Variants in SLC35F1 observed in about 807,000 individuals in gnomAD.
SLC35F1 encodes chromosome 6 open reading frame 169.
A neutral mutation model predicts 48.7 loss-of-function variants in SLC35F1; 14 were observed. The observed-to-expected ratio is 0.29, with a 90% confidence interval of 0.19 to 0.45. The LOEUF (loss-of-function observed/expected upper bound fraction) is 0.45, where lower values mean the gene tolerates loss of function less well. Ranked by LOEUF, SLC35F1 falls within the 20% of genes least tolerant of loss-of-function variation. SLC35F1 has a pLI of 1.00. For synonymous variants in SLC35F1, 190 were observed against 202.2 expected, an observed-to-expected ratio of 0.94 and a Z score of 0.51; for missense variants, 404 against 500.0, an observed-to-expected ratio of 0.81 and a Z score of 1.83.
intron 1 of SLC35F1, among the ~76,000 whole-genome samples, chr6:117,959,140 G>A (rs1230635084): frequency 6.6e-6 from 1 of 152,152 alleles, no homozygotes; most frequent in Non-Finnish European, 1.5e-5. Context: ...TCAAAGGGCT[G>A]TTATGAGATC....
chr6:118,211,644 A>T (rs942648306), intron 2 of SLC35F1, among the ~76,000 whole-genome samples: 1 of 152,234 alleles, frequency 6.6e-6, no homozygotes, highest in Non-Finnish European at 1.5e-5. Flanking sequence ...TTATGCCAAG[A>T]ATACCAAGAA....
intron 6 of SLC35F1, among the ~76,000 whole-genome samples, chr6:118,282,266 A>T (rs937434720): frequency 1.3e-5 from 2 of 152,204 alleles, no homozygotes; most frequent in Non-Finnish European, 2.9e-5. Context: ...GGGCAACGAT[A>T]CTGCATTCCA....
At chr6:117,929,232 C>G (rs1365239137) in intron 1 of SLC35F1, among the ~76,000 whole-genome samples, 1 of 152,058 alleles carries the variant, frequency 6.6e-6, no homozygotes, top group Non-Finnish European at 1.5e-5. Context: ...GGATTTGAGG[C>G]TAATCTCCCA....
At chr6:117,946,048 T>G (rs1258877162) in intron 1 of SLC35F1, among the ~76,000 whole-genome samples, 1 of 152,206 alleles carries the variant, frequency 6.6e-6, no homozygotes, top group Non-Finnish European at 1.5e-5. Flanking sequence ...TCTTTCTTTG[T>G]GCTCCATTTT....
chr6:117,996,063 A>T (rs1018948548), intron 1 of SLC35F1, among the ~76,000 whole-genome samples: 2 of 152,230 alleles, frequency 1.3e-5, no homozygotes, highest in Non-Finnish European at 2.9e-5. Flanking sequence ...AAAGAGTATC[A>T]TGCACATTTA....
chr6:118,055,989 C>A (rs1582641659), intron 1 of SLC35F1, among the ~76,000 whole-genome samples: 1 of 152,208 alleles, frequency 6.6e-6, no homozygotes, highest in East Asian at 1.9e-4. Context: ...TGTGAATCAT[C>A]CATCTACCAT....
rs116724889 is a variant in SLC35F1, at chr6:118,288,520, G to A, written c.1002+3182G>A. On this transcript the variant is annotated intron_variant, in intron 7 of 7. Coordinates refer to ENST00000360388, the MANE Select transcript of SLC35F1 (RefSeq NM_001029858.4). ...TTGAAAGAGTTATTATCAATAGGAA[G>A]GAATGCCTGGTTTACCATAAGGGGT... Among the ~76,000 whole-genome samples the A allele has an allele frequency of 5.1e-3, 769 of 152,276 alleles. 8 individuals carry two copies. The highest frequency in any genetic ancestry group is 0.018 in the African/African-American group (736 of 41,546).
intron 7 of SLC35F1, among the ~76,000 whole-genome samples, chr6:118,288,728 T>A (rs1349085090): frequency 6.6e-6 from 1 of 152,178 alleles, no homozygotes; most frequent in Non-Finnish European, 1.5e-5. Context: ...CTTCCCATCA[T>A]GCCCTGAACT....
intron 1 of SLC35F1, among the ~76,000 whole-genome samples, chr6:117,913,204 C>T (rs991598226): frequency 7.8e-4 from 119 of 152,298 alleles, no homozygotes; most frequent in Admixed American, 7.7e-3. Flanking sequence ...GATTATGCTT[C>T]TCAAGAAGTA....
chr6:118,205,801 C>T (rs1209855015), intron 2 of SLC35F1, among the ~76,000 whole-genome samples: 3 of 152,046 alleles, frequency 2.0e-5, no homozygotes, highest in African/African-American at 7.2e-5. Context: ...TATTATTCAG[C>T]CACAAAAGAA....
chr6:118,285,378 G>C (rs751431138), intron 7 of SLC35F1, 40 bp downstream of exon 7: 4 of 1,609,036 alleles, frequency 2.5e-6, no homozygotes, highest in Non-Finnish European at 3.4e-6. Flanking sequence ...ATGATACTTT[G>C]TAGGAAACAA....
intron 1 of SLC35F1, among the ~76,000 whole-genome samples, chr6:117,923,643 G>GTACACATATACATATGCATATA (rs1562238592): frequency 1.7e-5 from 1 of 58,740 alleles, no homozygotes; most frequent in Non-Finnish European, 3.8e-5. Flanking sequence ...ATGTACATAT[G>GTACACATATACATATGCATATA]TACATATGTA....
chr6:118,006,792 C>T (rs953802730), intron 1 of SLC35F1, among the ~76,000 whole-genome samples: 7 of 151,946 alleles, frequency 4.6e-5, no homozygotes, highest in Non-Finnish European at 2.9e-5. Flanking sequence ...CCATACACAC[C>T]CCCCTGAATT....
chr6:118,186,333 GA>G (rs1456918826), intron 2 of SLC35F1, among the ~76,000 whole-genome samples: 1 of 152,020 alleles, frequency 6.6e-6, no homozygotes, highest in Non-Finnish European at 1.5e-5. Context: ...TCTACTCTAT[GA>G]GAGTAAAAGA....
intron 1 of SLC35F1, among the ~76,000 whole-genome samples, chr6:117,962,026 A>G (rs541442345): frequency 6.6e-6 from 1 of 152,356 alleles, no homozygotes; most frequent in East Asian, 1.9e-4. Context: ...TGATGATACT[A>G]TTGAAGATGC....
chr6:118,301,273 T>C (rs904059369), intron 7 of SLC35F1, among the ~76,000 whole-genome samples: 2 of 152,214 alleles, frequency 1.3e-5, no homozygotes, highest in Non-Finnish European at 2.9e-5. Context: ...GAAATTTTCA[T>C]GTTGGAAGCC....
Position 118,125,061 on chromosome 6 carries a change from C to T in SLC35F1, c.174-29384C>T, listed in dbSNP as rs74785021. 9.5e-3 allele frequency among the ~76,000 whole-genome samples: 1,445 copies of T among 152,246 alleles called. 19 individuals are homozygous for T. Among genetic ancestry groups the T allele is most frequent in the African/African-American group, 0.033 (1,361 of 41,560 alleles). On this transcript the variant is annotated intron_variant, in intron 1 of 7. Transcript: ENST00000360388. The stretch of plus-strand genomic sequence containing the variant: ...CTCTCACATTCCAGAATCTTGATGG[C>T]ATAAGAAACTATTTGCACAAACTCA...
At chr6:117,935,704 T>C (rs1416423) in intron 1 of SLC35F1, among the ~76,000 whole-genome samples, 33,166 of 152,044 alleles carry the variant, frequency 0.22, 4,013 homozygotes, top group African/African-American at 0.32. Context: ...ATGTGAAACA[T>C]AGCACTAAAA....
chr6:118,312,543 A>T (rs532511973), intron 7 of SLC35F1, among the ~76,000 whole-genome samples: 2 of 152,336 alleles, frequency 1.3e-5, no homozygotes, highest in South Asian at 4.1e-4. Context: ...ATCCATCTGA[A>T]GTAGGGTTAT....
Sources: allele counts gnomAD v4.1 joint callset (sites outside exome capture counted in the v4.1 genomes callset), GRCh38; gene constraint gnomAD v4.1.1; transcripts MANE v1.5; gene names NCBI Gene and HGNC (gene_info 2026-07-23, HGNC 2026-07-21).